The following TUFT1 variants were observed in gnomAD, a reference collection of about 807,000 sequenced individuals.
TUFT1 encodes the protein tuftelin.
In TUFT1, 43 loss-of-function variants were observed where a neutral mutation model predicts 57.8. The observed-to-expected ratio is 0.74, with a 90% CI of 0.58 to 0.96. TUFT1 has a LOEUF of 0.96. TUFT1 is among the 40% of genes least tolerant of loss of function. The pLI, the probability that TUFT1 is intolerant of heterozygous loss-of-function variation, is 0.00. For missense variants in TUFT1, 459 were observed against 489.0 expected, an observed-to-expected ratio of 0.94 and a Z score of 0.58; for synonymous variants, 166 against 176.7, an observed-to-expected ratio of 0.94 and a Z score of 0.48.
Position 151,582,170 on chromosome 1 carries a change from C to A in TUFT1, c.*463C>A, listed in dbSNP as rs1274584208. ...TCCACAAACACAGCTCAGTTCTTAG[C>A]AACAAACTGTTTGTTTTTCTACTTG... On this transcript the variant is annotated 3_prime_UTR_variant, in exon 13 of 13. Transcript: ENST00000368849. 4.4e-6 allele frequency: 2 copies of A among 458,528 alleles called. No homozygotes were observed. The highest frequency in any genetic ancestry group is 4.7e-5 in the Admixed American group (2 of 42,644). The allele number at this position is 458,528 out of a possible 1,614,324, so 28.4% of individuals were successfully genotyped here.
chr1:151,571,266 C>T (rs898413963), intron 7 of TUFT1, among the ~76,000 whole-genome samples: 4 of 152,014 alleles, frequency 2.6e-5, no homozygotes, highest in Non-Finnish European at 4.4e-5. Flanking sequence ...CTATGTTAGC[C>T]GAAGTATTAT....
At chr1:151,561,143 G>A (rs907781753) in intron 1 of TUFT1, among the ~76,000 whole-genome samples, 5 of 151,968 alleles carry the variant, frequency 3.3e-5, no homozygotes, top group African/African-American at 1.2e-4. Flanking sequence ...ACAGGCGCCT[G>A]CCACCACGCC....
chr1:151,543,287 T>C lies in TUFT1; in HGVS notation c.60+2861T>C, dbSNP rs150526562. Among the ~76,000 whole-genome samples the C allele has an allele frequency of 1.1e-3, 173 of 151,894 alleles. 1 individual carries two copies. Among genetic ancestry groups the C allele is most frequent in the African/African-American group, 4.0e-3 (166 of 41,404 alleles). On this transcript the variant is annotated intron_variant, in intron 1 of 12. Transcript: ENST00000368849. ...AACACTCTTAGAGTGTTAGTGAGGA[T>C]AGACATTTTTGGTAGAACTTTTATT...
intron 7 of TUFT1, among the ~76,000 whole-genome samples, chr1:151,570,736 TCTCA>T (rs2102548252): frequency 6.6e-6 from 1 of 151,722 alleles, no homozygotes; most frequent in South Asian, 2.1e-4. Flanking sequence ...GGAGACAGGG[TCTCA>T]CTCTATTGCC....
chr1:151,565,901 C>A, intron 5 of TUFT1: 1 of 385,274 alleles, frequency 2.6e-6, no homozygotes. Flanking sequence ...CATAACATCT[C>A]TCCACCCCCT....
intron 9 of TUFT1, among the ~76,000 whole-genome samples, chr1:151,577,436 C>T (rs72692724): frequency 0.026 from 3,988 of 152,226 alleles, 73 homozygotes; most frequent in Middle Eastern, 0.048. Context: ...AAAAGACACT[C>T]ATCAGTCTTG....
intron 9 of TUFT1, among the ~76,000 whole-genome samples, chr1:151,577,495 C>T (rs1273471839): frequency 1.3e-5 from 2 of 152,138 alleles, no homozygotes; most frequent in Non-Finnish European, 2.9e-5. Flanking sequence ...TATAACAAAA[C>T]ATAGGTGCTG....
At position 151,563,998 on chromosome 1, in the gene TUFT1, C is replaced by T; in HGVS notation, c.324+8C>T. ...GTCCAGTACATCCAGGAGGTGGGCA[C>T]CCCTTACCTCTCACGCAGTGCCTAG... On this transcript the variant is annotated splice_region_variant and intron_variant, in intron 4 of 12. Coordinates refer to ENST00000368849, the MANE Select transcript of TUFT1 (RefSeq NM_020127.3). 6.2e-7 allele frequency: 1 copy of T among 1,609,714 alleles called. No homozygotes were observed. The highest frequency in any genetic ancestry group is 1.3e-5 in the African/African-American group (1 of 74,908).
At chr1:151,553,201 C>T (rs886084334) in intron 1 of TUFT1, among the ~76,000 whole-genome samples, 3 of 152,160 alleles carry the variant, frequency 2.0e-5, no homozygotes, top group Non-Finnish European at 2.9e-5. Context: ...AAGCAATTCT[C>T]CTGCCTCAGC....
chr1:151,572,005 A>G (rs1666264538), intron 7 of TUFT1, among the ~76,000 whole-genome samples: 1 of 152,132 alleles, frequency 6.6e-6, no homozygotes, highest in South Asian at 2.1e-4. Flanking sequence ...CAGGAGTTTG[A>G]GACCAGCCTG....
At chr1:151,554,543 G>A (rs1421988452) in intron 1 of TUFT1, among the ~76,000 whole-genome samples, 2 of 151,762 alleles carry the variant, frequency 1.3e-5, no homozygotes, top group Non-Finnish European at 2.9e-5. Flanking sequence ...GGGACTACAG[G>A]CACGTGCTAC....
chr1:151,575,131 G>T (rs1468853029), intron 9 of TUFT1, 126 bp downstream of exon 9: 3 of 830,200 alleles, frequency 3.6e-6, no homozygotes, highest in Non-Finnish European at 1.9e-6. Flanking sequence ...AGATCTTCCA[G>T]CTCTGACTCA....
chr1:151,548,725 G>A (rs1665421192), intron 1 of TUFT1, among the ~76,000 whole-genome samples: 1 of 152,220 alleles, frequency 6.6e-6, no homozygotes, highest in Admixed American at 6.5e-5. Flanking sequence ...GGGATACAGG[G>A]TGAAGATGAA....
intron 7 of TUFT1, among the ~76,000 whole-genome samples, chr1:151,572,051 A>T (rs752837722): frequency 4.6e-5 from 7 of 152,114 alleles, no homozygotes; most frequent in Non-Finnish European, 7.4e-5. Flanking sequence ...AAATAAAAAA[A>T]TTAGCCTGGT....
intron 9 of TUFT1, among the ~76,000 whole-genome samples, chr1:151,576,127 G>GAGCT (rs916419955): frequency 1.3e-5 from 2 of 152,164 alleles, no homozygotes; most frequent in African/African-American, 4.8e-5. Context: ...GGGCATTGGA[G>GAGCT]AGCTGAAGGT....
chr1:151,574,409 G>A lies in TUFT1; in HGVS notation c.723+11G>A. 2 of 1,613,740 alleles carry A rather than the reference G, an allele frequency of 1.2e-6. No homozygotes were observed. The highest frequency in any genetic ancestry group is 8.5e-7 in the Non-Finnish European group (1 of 1,179,870). On this transcript the variant is annotated intron_variant, in intron 8 of 12. Coordinates refer to ENST00000368849, the MANE Select transcript of TUFT1 (RefSeq NM_020127.3). The stretch of plus-strand genomic sequence containing the variant: ...CTAGGGATGGAGACGGTAACCGGGG[G>A]ATCTTGCTTGTCAGTGCCTGGACTC...
chr1:151,575,258 A>G (rs540243441), intron 9 of TUFT1, among the ~76,000 whole-genome samples: 19 of 152,248 alleles, frequency 1.2e-4, no homozygotes, highest in Non-Finnish European at 1.8e-4. Context: ...TCACAGTTTT[A>G]GAGCCAAGGG....
At chr1:151,577,196 C>T (rs1666497280) in intron 9 of TUFT1, among the ~76,000 whole-genome samples, 1 of 152,174 alleles carries the variant, frequency 6.6e-6, no homozygotes, top group Non-Finnish European at 1.5e-5. Context: ...AAGCTCTGAA[C>T]CCCTTTGTTT....
At chr1:151,579,531 A>G in intron 10 of TUFT1, 118 bp from the exon 11 acceptor site, 1 of 888,672 alleles carries the variant, frequency 1.1e-6, no homozygotes, top group Non-Finnish European at 1.7e-6. Flanking sequence ...TAGAAAAGCT[A>G]ATGAAGTCAT....
Sources: allele counts gnomAD v4.1 joint callset (sites outside exome capture counted in the v4.1 genomes callset), GRCh38; gene constraint gnomAD v4.1.1; transcripts MANE v1.5; gene names NCBI Gene and HGNC (gene_info 2026-07-23, HGNC 2026-07-21).